Variants in DNAH9 observed in about 807,000 individuals in gnomAD.
DNAH9 encodes dynein axonemal heavy chain 9.
Under a neutral mutation model 471.6 loss-of-function variants are expected in DNAH9, and 345 were observed. The ratio of observed to expected loss-of-function variants is 0.73; its 90% CI spans 0.67 to 0.80. The LOEUF (loss-of-function observed/expected upper bound fraction) is 0.80, where lower values mean the gene tolerates loss of function less well. Ranked by LOEUF, DNAH9 falls within the 30% of genes least tolerant of loss-of-function variation. DNAH9 has a pLI of 0.00. For missense variants in DNAH9, 5,407 were observed against 5,609.2 expected, an observed-to-expected ratio of 0.96 and a Z score of 1.15; for synonymous variants, 2,093 against 2,123.6, an observed-to-expected ratio of 0.99 and a Z score of 0.40.
chr17:11,772,440 C>A (rs187783511), intron 38 of DNAH9, among the ~76,000 whole-genome samples: 13 of 152,228 alleles, frequency 8.5e-5, no homozygotes, highest in Admixed American at 7.9e-4. Flanking sequence ...CTTTCTCCTT[C>A]CCTCCTGTTA....
chr17:11,649,908 TCTG>T (rs1367252595), intron 12 of DNAH9, among the ~76,000 whole-genome samples: 1 of 152,200 alleles, frequency 6.6e-6, no homozygotes, highest in Non-Finnish European at 1.5e-5. Flanking sequence ...TACTAAGAAA[TCTG>T]CTCCAAAAAT....
At position 11,652,894 on chromosome 17, in the gene DNAH9, A is replaced by G; in HGVS notation, c.2487A>G (p.Lys829=). The change falls in exon 14 of 69, where the codon AAA becomes AAG. Residue 829 remains lysine, a synonymous_variant. Coordinates refer to ENST00000262442, the MANE Select transcript of DNAH9 (RefSeq NM_001372.4). The part of the protein sequence containing the change: ...KTWVTPIFKT[K]DGKRESLLSL... ...GGGTGACTCCAATATTTAAGACAAA[A>G]GATGGAAAAAGGGAATCCCTTCTTT... 1 of 1,614,094 alleles carries G rather than the reference A, an allele frequency of 6.2e-7. No individual in the cohort carries two copies. The highest frequency in any genetic ancestry group is 8.5e-7 in the Non-Finnish European group (1 of 1,179,934).
chr17:11,797,540 T>C, intron 42 of DNAH9, 57 bp from the exon 43 acceptor site: 1 of 1,454,098 alleles, frequency 6.9e-7, no homozygotes, highest in Non-Finnish European at 9.4e-7. Flanking sequence ...CTCTGCTCTG[T>C]GGAACCAGCC....
At chr17:11,917,294 T>C (rs545896161) in intron 61 of DNAH9, among the ~76,000 whole-genome samples, 2 of 152,200 alleles carry the variant, frequency 1.3e-5, no homozygotes, top group East Asian at 3.9e-4. Context: ...GTAGCTGGGA[T>C]TACAGGCGCC....
intron 5 of DNAH9, among the ~76,000 whole-genome samples, chr17:11,617,954 CT>C (rs1461872530): frequency 6.6e-6 from 1 of 152,168 alleles, no homozygotes; most frequent in Non-Finnish European, 1.5e-5. Context: ...AGAGTGCAGC[CT>C]CTGATGTCAG....
At chr17:11,741,241 C>G (rs966351059) in intron 29 of DNAH9, among the ~76,000 whole-genome samples, 15 of 152,044 alleles carry the variant, frequency 9.9e-5, no homozygotes, top group African/African-American at 3.4e-4. Context: ...TATTACATAC[C>G]CAACAAATTA....
Position 11,962,146 on chromosome 17 carries a change from G to T in DNAH9, c.13123G>T (p.Ala4375Ser), listed in dbSNP as rs1264541033. The change falls in exon 68 of 69, where the codon GCC becomes TCC. Residue 4375 changes from alanine (A) to serine (S), a missense_variant. Coordinates refer to ENST00000262442, the MANE Select transcript of DNAH9 (RefSeq NM_001372.4). This position sits in a 1 kb window ranked among gnomAD's most constrained non-coding sequence, Gnocchi z 4.1. ...GAATGAGTGGCCACTGGACCAGATG[G>T]CCCTGCAATGTGACATGACGAAGAA... The part of the protein sequence containing the change: ...RKNEWPLDQM[A>S]LQCDMTKKNR... 2 of 1,614,008 alleles carry T rather than the reference G, an allele frequency of 1.2e-6. No homozygotes were observed. Among genetic ancestry groups the T allele is most frequent in the Non-Finnish European group, 1.7e-6 (2 of 1,180,034 alleles).
At chr17:11,740,054 CG>C (rs1238545541) in intron 29 of DNAH9, among the ~76,000 whole-genome samples, 4 of 152,156 alleles carry the variant, frequency 2.6e-5, no homozygotes, top group Non-Finnish European at 1.5e-5. Flanking sequence ...GCTGGGGTGA[CG>C]GGGCCTTCTC....
chr17:11,762,787 T>TTTTTTTTTTTG (rs1967760538), intron 35 of DNAH9, among the ~76,000 whole-genome samples: 1 of 135,760 alleles, frequency 7.4e-6, no homozygotes, highest in Non-Finnish European at 1.6e-5. Flanking sequence ...TTTTTTTTTT[T>TTTTTTTTTTTG]TTTTTTTTTT....
intron 28 of DNAH9, among the ~76,000 whole-genome samples, chr17:11,734,989 C>T (rs549706811): frequency 3.3e-5 from 5 of 152,228 alleles, no homozygotes; most frequent in Admixed American, 6.5e-5. Flanking sequence ...GGGCCTGTTC[C>T]GACGCACCTC....
At chr17:11,746,493 C>A (rs1966884689) in intron 31 of DNAH9, among the ~76,000 whole-genome samples, 1 of 152,160 alleles carries the variant, frequency 6.6e-6, no homozygotes, top group African/African-American at 2.4e-5. Context: ...GCATGCTACA[C>A]CTCCTCCCTG....
At chr17:11,792,971 G>A (rs996440504) in intron 41 of DNAH9, among the ~76,000 whole-genome samples, 13 of 152,136 alleles carry the variant, frequency 8.5e-5, no homozygotes, top group South Asian at 6.2e-4. Context: ...TTCATCTGGC[G>A]AAGCATCTAG....
rs755026302 is a variant in DNAH9, at chr17:11,689,570, G to C, written c.3748G>C (p.Asp1250His). 2.4e-5 allele frequency: 38 copies of C among 1,610,394 alleles called. No individual in the cohort carries two copies. Among genetic ancestry groups the C allele is most frequent in the Non-Finnish European group, 2.5e-5 (30 of 1,178,388 alleles). ...GGAACACACTGTGTTTTGTAGGTTT[G>C]ATAGCATCCACCCTCATCAAATGCT... Reference protein sequence around the residue: ...QFHKEAPFRFDSIHPHQMLDA... With the variant: ...QFHKEAPFRFHSIHPHQMLDA... The change falls in exon 20 of 69, where the codon GAT (aspartate) becomes CAT (histidine). Residue 1250 changes from aspartate (D) to histidine (H), a missense_variant. By Grantham distance (81) the Asp-to-His change is moderately conservative. Coordinates refer to ENST00000262442, the MANE Select transcript of DNAH9 (RefSeq NM_001372.4).
At chr17:11,838,821 C>T (rs1371036076) in intron 49 of DNAH9, among the ~76,000 whole-genome samples, 2 of 152,172 alleles carry the variant, frequency 1.3e-5, no homozygotes, top group Non-Finnish European at 2.9e-5. Context: ...ACGAATATTG[C>T]TCCATGAGCC....
At chr17:11,640,634 T>G (rs1239340309) in intron 10 of DNAH9, among the ~76,000 whole-genome samples, 2 of 152,196 alleles carry the variant, frequency 1.3e-5, no homozygotes, top group Non-Finnish European at 2.9e-5. Context: ...GGGATTCATT[T>G]CTGGAGGACA....
At chr17:11,673,915 T>C (rs1402750175) in intron 17 of DNAH9, among the ~76,000 whole-genome samples, 1 of 152,220 alleles carries the variant, frequency 6.6e-6, no homozygotes, top group Non-Finnish European at 1.5e-5. Context: ...TATGCATACA[T>C]ACATACCTAT....
Position 11,765,388 on chromosome 17 carries a change from CA to C in DNAH9, c.7170+1778del, listed in dbSNP as rs780347138. 1.2e-3 allele frequency among the ~76,000 whole-genome samples: 188 copies of C among 152,290 alleles called. 1 individual carries two copies. The highest frequency in any genetic ancestry group is 1.9e-3 in the Non-Finnish European group (130 of 68,026). On this transcript the variant is annotated intron_variant, in intron 36 of 68. Coordinates refer to ENST00000262442, the MANE Select transcript of DNAH9 (RefSeq NM_001372.4). ...GGTAGAAAGTTTCAGCCTCCCAAGG[CA>C]AAACCATGTTCTAGAAATCCAAAAT...
intron 20 of DNAH9, among the ~76,000 whole-genome samples, chr17:11,692,024 G>A (rs1316484065): frequency 2.6e-5 from 4 of 151,224 alleles, no homozygotes; most frequent in Non-Finnish European, 4.4e-5. Context: ...GGCTGGTCTC[G>A]AACTCCTGAC....
At chr17:11,953,783 C>G (rs934344920) in intron 67 of DNAH9, 1 of 141,740 alleles carries the variant, frequency 7.1e-6, no homozygotes, top group Admixed American at 7.0e-5. Flanking sequence ...AAAATGTGAT[C>G]AATTGAAATG....
Sources: gnomAD v4.1 joint callset for allele counts (sites outside exome capture counted in the v4.1 genomes callset) on GRCh38, gnomAD v4.1.1 for gene constraint, Gnocchi (gnomAD v3.1) non-coding constraint, MANE v1.5 for transcripts, NCBI Gene and HGNC (gene_info 2026-07-23, HGNC 2026-07-21) for gene names.